STARD13: variants seen among roughly 807,000 people sequenced by gnomAD.
The protein encoded by STARD13 is stAR-related lipid transfer protein 13.
In STARD13, 62 loss-of-function variants were observed where a neutral mutation model predicts 106.4. The observed-to-expected ratio is 0.58, with a 90% confidence interval of 0.48 to 0.72. The LOEUF (loss-of-function observed/expected upper bound fraction) is 0.72. Ranked by LOEUF, STARD13 falls within the 30% of genes least tolerant of loss-of-function variation. STARD13 has a pLI of 0.00. For missense variants in STARD13, 1,387 were observed against 1,424.0 expected (o/e 0.97, Z 0.42); for synonymous variants, 565 against 553.0 (o/e 1.02, Z -0.31).
chr13:33,396,787 A>T, the STARD13 span, among the ~76,000 whole-genome samples: 2 of 152,192 alleles, frequency 1.3e-5, no homozygotes, highest in African/African-American at 4.8e-5. Context: ...AATTTATGAG[A>T]TATCTGTTTG....
the STARD13 span, among the ~76,000 whole-genome samples, chr13:33,497,427 A>T: frequency 6.6e-6 from 1 of 152,130 alleles, no homozygotes; most frequent in East Asian, 1.9e-4. Flanking sequence ...CAACCTTGGG[A>T]AGTCTCTATT....
intron 1 of STARD13, among the ~76,000 whole-genome samples, chr13:33,180,719 G>A (rs141348082): frequency 1.7e-4 from 26 of 152,222 alleles, no homozygotes; most frequent in Non-Finnish European, 3.1e-4. Context: ...GGAGGTGACG[G>A]GGAAAGTAAT....
At chr13:33,669,439 G>A in the STARD13 span, among the ~76,000 whole-genome samples, 2 of 151,732 alleles carry the variant, frequency 1.3e-5, no homozygotes, top group East Asian at 1.9e-4. Context: ...GCACACCATC[G>A]CCAGTGGTCC....
At chr13:33,167,494 G>T in intron 2 of STARD13, 57 bp downstream of exon 2, 1 of 1,522,270 alleles carries the variant, frequency 6.6e-7, no homozygotes, top group Admixed American at 1.7e-5. Context: ...CACAGGATAC[G>T]TGTGGTTCAT....
At chr13:33,276,863 C>A (rs1255850001) in intron 1 of STARD13, 5 of 152,098 alleles carry the variant, frequency 3.3e-5, no homozygotes, top group Non-Finnish European at 7.4e-5. Context: ...GTAAGCTCTG[C>A]CTCTGTCAGA....
At chr13:33,448,184 T>C in the STARD13 span, among the ~76,000 whole-genome samples, 1 of 152,172 alleles carries the variant, frequency 6.6e-6, no homozygotes, top group East Asian at 1.9e-4. Flanking sequence ...TTATCATTTC[T>C]TTTTCTGAGT....
chr13:33,534,012 T>C, the STARD13 span, among the ~76,000 whole-genome samples: 1 of 152,220 alleles, frequency 6.6e-6, no homozygotes, highest in Non-Finnish European at 1.5e-5. Context: ...GGTCAGAACG[T>C]TGTGCTTAGG....
At chr13:33,118,334 AG>A in intron 7 of STARD13, 71 bp from the exon 8 acceptor site, 1 of 1,340,034 alleles carries the variant, frequency 7.5e-7, no homozygotes, top group Non-Finnish European at 1.1e-6. Context: ...AAGCATGGGA[AG>A]GGAACTGGAT....
chr13:33,368,486 A>T, the STARD13 span, among the ~76,000 whole-genome samples: 2 of 152,208 alleles, frequency 1.3e-5, no homozygotes, highest in African/African-American at 4.8e-5. Context: ...CTAGGATGGA[A>T]CAATTTATCC....
Position 33,130,169 on chromosome 13 carries a change from C to T in STARD13, c.508G>A (p.Gly170Arg). The change falls in exon 5 of 14, where the codon GGG becomes AGG. Residue 170 changes from glycine (G) to arginine (R), a missense_variant. Coordinates refer to ENST00000336934, the MANE Select transcript of STARD13 (RefSeq NM_178006.4). This position sits in a 1 kb window ranked among gnomAD's most constrained non-coding sequence, Gnocchi z 4.1. ...CTCATCCCCGTGCCTCCCGGTGACC[C>T]ATTTCTGTCTCCTCGAGGGAGCAGC... ...YTLLPRGDRNGSPGGTGMRNT... is the reference protein window; with the variant it reads ...YTLLPRGDRNRSPGGTGMRNT... 1 of 1,614,054 alleles carries T rather than the reference C, an allele frequency of 6.2e-7. No individual in the cohort carries two copies. The highest frequency in any genetic ancestry group is 8.5e-7 in the Non-Finnish European group (1 of 1,180,038).
the STARD13 span, among the ~76,000 whole-genome samples, chr13:33,563,674 T>G: frequency 6.8e-6 from 1 of 147,416 alleles, no homozygotes; most frequent in Non-Finnish European, 1.5e-5. Flanking sequence ...GGGCAAAACA[T>G]TTTTGTATGA....
intron 1 of STARD13, among the ~76,000 whole-genome samples, chr13:33,322,306 A>G (rs1317520379): frequency 1.3e-5 from 2 of 152,246 alleles, no homozygotes; most frequent in African/African-American, 4.8e-5. Context: ...TCTTACTAAC[A>G]TGAGCCTTCC....
At chr13:33,233,048 C>T (rs1321985918) in intron 1 of STARD13, among the ~76,000 whole-genome samples, 2 of 152,234 alleles carry the variant, frequency 1.3e-5, no homozygotes, top group Non-Finnish European at 2.9e-5. Context: ...CCTGGCACTT[C>T]AGTAACATAT....
At chr13:33,199,452 A>G (rs780575606) in intron 1 of STARD13, among the ~76,000 whole-genome samples, 2 of 152,228 alleles carry the variant, frequency 1.3e-5, no homozygotes, top group Non-Finnish European at 2.9e-5. Context: ...GGTCCTTTGT[A>G]GAAGTAATAC....
chr13:33,207,493 A>G (rs1279410863), intron 1 of STARD13, among the ~76,000 whole-genome samples: 1 of 152,238 alleles, frequency 6.6e-6, no homozygotes, highest in African/African-American at 2.4e-5. Flanking sequence ...GTAAAATCAG[A>G]TACTTCAAGG....
upstream of STARD13, among the ~76,000 whole-genome samples, chr13:33,350,860 C>A (rs560245265): frequency 3.4e-4 from 51 of 152,214 alleles, 1 homozygote; most frequent in Non-Finnish European, 6.3e-4. Flanking sequence ...CCAGTTTTAC[C>A]CAGAAATCAG....
At chr13:33,385,182 G>T in the STARD13 span, among the ~76,000 whole-genome samples, 1 of 109,030 alleles carries the variant, frequency 9.2e-6, no homozygotes, top group East Asian at 2.9e-4. Context: ...AACACACCTT[G>T]GAAATCCAGA....
At chr13:33,230,364 C>T (rs2138208035) in intron 1 of STARD13, among the ~76,000 whole-genome samples, 1 of 152,336 alleles carries the variant, frequency 6.6e-6, no homozygotes, top group East Asian at 1.9e-4. Flanking sequence ...AGAGGCGTGG[C>T]TGCTCTGGTA....
chr13:33,382,517 T>C, the STARD13 span, among the ~76,000 whole-genome samples: 3 of 152,210 alleles, frequency 2.0e-5, no homozygotes, highest in Admixed American at 1.3e-4. Flanking sequence ...TTCAGTAGGC[T>C]CTGAAATCTA....
Sources: gnomAD v4.1 joint callset for allele counts (sites outside exome capture counted in the v4.1 genomes callset) on GRCh38, gnomAD v4.1.1 for gene constraint, Gnocchi (gnomAD v3.1) non-coding constraint, MANE v1.5 for transcripts, NCBI Gene and HGNC (gene_info 2026-07-23, HGNC 2026-07-21) for gene names.